Variants in STAU2 observed in about 807,000 individuals in gnomAD.
The protein encoded by STAU2 is staufen double-stranded RNA binding protein 2, also known as double-stranded RNA-binding protein Staufen homolog 2.
A neutral mutation model predicts 65.9 loss-of-function variants in STAU2; 20 were observed. That is an observed-to-expected ratio of 0.30 (90% CI 0.21 to 0.44). The LOEUF (loss-of-function observed/expected upper bound fraction) is 0.44. STAU2 is among the 20% of genes least tolerant of loss of function. The pLI is 1.00. For synonymous variants in STAU2, 232 were observed against 233.9 expected, an observed-to-expected ratio of 0.99 and a Z score of 0.07; for missense variants, 558 against 683.9, an observed-to-expected ratio of 0.82 and a Z score of 2.05.
chr8:73,466,957 C>T (rs10088410), intron 13 of STAU2, among the ~76,000 whole-genome samples: 97,949 of 152,114 alleles, frequency 0.64, 32,333 homozygotes, highest in East Asian at 0.93. Context: ...TTAGTGCAGT[C>T]TCCCCTGCCT....
intron 4 of STAU2, among the ~76,000 whole-genome samples, chr8:73,707,988 T>A (rs534347393): frequency 2.6e-5 from 4 of 152,184 alleles, no homozygotes; most frequent in Non-Finnish European, 2.9e-5. Flanking sequence ...CATAAAGCGT[T>A]CTGAGAAATG....
At chr8:73,566,151 T>C (rs1808593464) in intron 12 of STAU2, among the ~76,000 whole-genome samples, 1 of 152,244 alleles carries the variant, frequency 6.6e-6, no homozygotes, top group Non-Finnish European at 1.5e-5. Flanking sequence ...AAGGAACTTT[T>C]CATTTCTTTC....
chr8:73,569,810 G>A (rs1322898492), intron 12 of STAU2, among the ~76,000 whole-genome samples: 2 of 152,210 alleles, frequency 1.3e-5, no homozygotes, highest in Non-Finnish European at 2.9e-5. Context: ...CCATCTGTAC[G>A]TCACCATCAT....
chr8:73,615,413 C>T (rs1232027124), intron 8 of STAU2, among the ~76,000 whole-genome samples: 1 of 151,634 alleles, frequency 6.6e-6, no homozygotes, highest in East Asian at 1.9e-4. Context: ...TTATCTATAC[C>T]CAGAAAATAA....
chr8:73,537,623 T>C (rs1227100567), intron 13 of STAU2, among the ~76,000 whole-genome samples: 3 of 152,106 alleles, frequency 2.0e-5, no homozygotes, highest in Admixed American at 2.0e-4. Flanking sequence ...AAAATATCCC[T>C]GAGGAAGAAA....
intron 8 of STAU2, among the ~76,000 whole-genome samples, chr8:73,615,187 T>C (rs1210005885): frequency 6.6e-6 from 1 of 152,140 alleles, no homozygotes. Flanking sequence ...TTTATGAATA[T>C]ATTTGCAATA....
intron 11 of STAU2, among the ~76,000 whole-genome samples, chr8:73,593,057 C>A (rs769280257): frequency 1.2e-4 from 18 of 152,058 alleles, no homozygotes; most frequent in Non-Finnish European, 2.1e-4. Context: ...ACCTTGCATG[C>A]ATCTTATCTA....
chr8:73,607,022 T>C (rs1008476693), intron 9 of STAU2, among the ~76,000 whole-genome samples: 6 of 152,120 alleles, frequency 3.9e-5, no homozygotes, highest in Admixed American at 6.6e-5. Flanking sequence ...CAAAGGGGCA[T>C]AAGGAAAATT....
chr8:73,494,048 G>A (rs1821275117), intron 13 of STAU2, among the ~76,000 whole-genome samples: 1 of 151,704 alleles, frequency 6.6e-6, no homozygotes, highest in Non-Finnish European at 1.5e-5. Flanking sequence ...TACTGAAAAG[G>A]GACGTGAAGG....
chr8:73,556,450 T>C (rs1807770370), intron 12 of STAU2, among the ~76,000 whole-genome samples: 1 of 152,032 alleles, frequency 6.6e-6, no homozygotes, highest in African/African-American at 2.4e-5. Flanking sequence ...TATTTTGGTA[T>C]TGGAAATTAC....
intron 12 of STAU2, among the ~76,000 whole-genome samples, chr8:73,561,911 A>G (rs965872921): frequency 2.0e-5 from 3 of 152,208 alleles, no homozygotes; most frequent in African/African-American, 7.2e-5. Context: ...CACAGGTGAT[A>G]TGACTGGCTT....
intron 14 of STAU2, among the ~76,000 whole-genome samples, chr8:73,422,387 A>T (rs1435234928): frequency 6.6e-6 from 1 of 152,252 alleles, no homozygotes; most frequent in African/African-American, 2.4e-5. Flanking sequence ...AAGCAATGAA[A>T]TGCAAAATCA....
At chr8:73,609,213 TAGA>T (rs1461906091) in intron 9 of STAU2, among the ~76,000 whole-genome samples, 3 of 151,796 alleles carry the variant, frequency 2.0e-5, no homozygotes, top group Non-Finnish European at 4.4e-5. Context: ...CCCCCAGAAG[TAGA>T]AGAACAGCTT....
At chr8:73,605,878 TACACAC>T (rs58486426) in intron 9 of STAU2, among the ~76,000 whole-genome samples, 2,607 of 117,674 alleles carry the variant, frequency 0.022, 37 homozygotes, top group East Asian at 0.045. Flanking sequence ...CACACACACA[TACACAC>T]ACACACACAC....
At chr8:73,623,286 TACCA>T (rs1813398448) in intron 6 of STAU2, among the ~76,000 whole-genome samples, 1 of 152,226 alleles carries the variant, frequency 6.6e-6, no homozygotes, top group South Asian at 2.1e-4. Context: ...ATGTCCTCCC[TACCA>T]TTCTGTGACT....
intron 5 of STAU2, among the ~76,000 whole-genome samples, chr8:73,686,615 G>C (rs978757789): frequency 6.6e-6 from 1 of 151,036 alleles, no homozygotes; most frequent in Non-Finnish European, 1.5e-5. Flanking sequence ...GAGGGGTAAA[G>C]ACTACACATT....
rs10611552 is a variant in STAU2, at chr8:73,515,954, AAG to A, written c.1530+36056_1530+36057del. On this transcript the variant is annotated intron_variant, in intron 13 of 14. Transcript: ENST00000524300. ...GACTCTTTTTTTTTTTTTTTTTGGA[AAG>A]AGAGTCTTGCTCTGTCACCCAGGTT... 8.9e-3 allele frequency among the ~76,000 whole-genome samples: 1,296 copies of A among 146,084 alleles called. 20 individuals carry two copies. Among genetic ancestry groups the A allele is most frequent in the African/African-American group, 0.032 (1,246 of 39,358 alleles).
intron 13 of STAU2, chr8:73,527,659 T>C (rs1344291187): frequency 6.6e-7 from 1 of 1,510,898 alleles, no homozygotes; most frequent in East Asian, 2.5e-5. Flanking sequence ...AGCTGGGCCA[T>C]AACACAGCAA....
At chr8:73,548,978 A>G (rs933126632) in intron 13 of STAU2, among the ~76,000 whole-genome samples, 2 of 152,184 alleles carry the variant, frequency 1.3e-5, no homozygotes, top group Non-Finnish European at 2.9e-5. Flanking sequence ...AAAACTTAAA[A>G]TAATGCAAAG....
Sources: gnomAD v4.1 joint callset for allele counts (sites outside exome capture counted in the v4.1 genomes callset) on GRCh38, gnomAD v4.1.1 for gene constraint, MANE v1.5 for transcripts, NCBI Gene and HGNC (gene_info 2026-07-23, HGNC 2026-07-21) for gene names.